CDC14A: variants seen among roughly 807,000 people sequenced by gnomAD.
CDC14A encodes cell division cycle 14A, also known as dual specificity protein phosphatase CDC14A.
In CDC14A, 53 loss-of-function variants were observed where a neutral mutation model predicts 74.4. That is an observed-to-expected ratio of 0.71 (90% CI 0.57 to 0.89). CDC14A has a LOEUF of 0.89. CDC14A is among the 40% of genes least tolerant of loss of function. The probability of loss-of-function intolerance (pLI) is 0.00; values close to 1 mark genes in which losing one functional copy is unlikely to be tolerated. For missense variants in CDC14A, 646 were observed against 713.7 expected (o/e 0.91, Z 1.08); for synonymous variants, 247 against 258.4 (o/e 0.96, Z 0.43).
At chr1:100,415,879 A>T (rs1396390768) in intron 4 of CDC14A, among the ~76,000 whole-genome samples, 3 of 152,206 alleles carry the variant, frequency 2.0e-5, no homozygotes, top group Admixed American at 6.5e-5. Context: ...TCCTATTTTT[A>T]AAAAATTATA....
At chr1:100,377,373 C>T (rs2100948018) in intron 2 of CDC14A, among the ~76,000 whole-genome samples, 173 bp from the exon 3 acceptor site, 1 of 152,184 alleles carries the variant, frequency 6.6e-6, no homozygotes, top group African/African-American at 2.4e-5. Context: ...GTTAGAGTAA[C>T]TAGAGGGCAT....
rs1380718071 is a variant in CDC14A, at chr1:100,519,525, T to C, written c.*1245T>C. On this transcript the variant is annotated 3_prime_UTR_variant, in exon 16 of 16. Transcript: ENST00000336454. ...TTCGACACTGAAAGTGCTAGTTAAA[T>C]GGATTCATATGAAGTGCTTTACTCC... The C allele has an allele frequency of 6.6e-6, 1 of 152,322 alleles. No homozygotes were observed. The highest frequency in any genetic ancestry group is 1.5e-5 in the Non-Finnish European group (1 of 67,996). 9.4% of individuals were successfully genotyped at this position (152,322 alleles called of 1,614,324 possible).
At chr1:100,353,687 T>C (rs1042883741) in intron 1 of CDC14A, 75 bp from the exon 2 acceptor site, 1 of 747,348 alleles carries the variant, frequency 1.3e-6, no homozygotes, top group African/African-American at 1.8e-5. Context: ...TGATCCTTCG[T>C]ATGTTACCAC....
chr1:100,409,905 C>T (rs1557728374), intron 4 of CDC14A, among the ~76,000 whole-genome samples: 1 of 152,168 alleles, frequency 6.6e-6, no homozygotes. Flanking sequence ...ATATTCCCTT[C>T]AAAAATGTCT....
At chr1:100,382,680 A>G (rs139782120) in intron 3 of CDC14A, among the ~76,000 whole-genome samples, 1 of 152,320 alleles carries the variant, frequency 6.6e-6, no homozygotes, top group East Asian at 1.9e-4. Flanking sequence ...GTTATGAATC[A>G]ACAGGATAAT....
chr1:100,375,612 T>G (rs1048810238), intron 2 of CDC14A, among the ~76,000 whole-genome samples: 3 of 152,190 alleles, frequency 2.0e-5, no homozygotes, highest in Non-Finnish European at 4.4e-5. Flanking sequence ...CATTTCACAC[T>G]AGTTAGAATG....
intron 7 of CDC14A, among the ~76,000 whole-genome samples, chr1:100,443,927 G>T: frequency 6.6e-6 from 1 of 152,314 alleles, no homozygotes; most frequent in East Asian, 1.9e-4. Flanking sequence ...GAACTCATCC[G>T]TTGGGTTTCC....
chr1:100,349,695 T>C (rs1650744898), upstream of CDC14A, among the ~76,000 whole-genome samples: 1 of 152,180 alleles, frequency 6.6e-6, no homozygotes, highest in African/African-American at 2.4e-5. Flanking sequence ...CCAGAGACAC[T>C]GCACTGCTGG....
rs571214442 is a variant in CDC14A, at chr1:100,499,413, A to C, written c.1755+151A>C. ...TTCCCTCTGTGCTGTGAAACTGTCT[A>C]TGCACTACATTCTGCTAGCTCCTCT... On this transcript the variant is annotated intron_variant, in intron 15 of 15. Coordinates refer to ENST00000336454, the MANE Select transcript of CDC14A (RefSeq NM_003672.4). 9.9e-5 allele frequency: 154 copies of C among 1,548,216 alleles called. 1 individual carries two copies. In the South Asian group the frequency reaches 1.8e-3, roughly 18 times the overall value.
At chr1:100,383,095 A>G (rs1387316093) in intron 3 of CDC14A, among the ~76,000 whole-genome samples, 4 of 152,158 alleles carry the variant, frequency 2.6e-5, no homozygotes, top group Non-Finnish European at 4.4e-5. Context: ...GAGATAGTTC[A>G]TGTAGTTTAA....
intron 5 of CDC14A, among the ~76,000 whole-genome samples, chr1:100,426,554 C>T (rs1173042483): frequency 6.6e-6 from 1 of 152,104 alleles, no homozygotes; most frequent in Non-Finnish European, 1.5e-5. Context: ...CACTCAAATA[C>T]TTTTATGTAA....
intron 2 of CDC14A, among the ~76,000 whole-genome samples, 157 bp from the exon 3 acceptor site, chr1:100,377,389 C>T (rs568265736): frequency 1.3e-4 from 20 of 152,018 alleles, no homozygotes; most frequent in East Asian, 3.9e-4. Context: ...GGCATTAGGA[C>T]GAAACCATTA....
chr1:100,426,506 T>TA (rs1662978994), intron 5 of CDC14A, among the ~76,000 whole-genome samples: 1 of 152,212 alleles, frequency 6.6e-6, no homozygotes, highest in African/African-American at 2.4e-5. Flanking sequence ...CAATTCTACA[T>TA]AAATACTAAA....
intron 15 of CDC14A, among the ~76,000 whole-genome samples, chr1:100,505,464 G>T (rs1164518456): frequency 6.6e-6 from 1 of 152,208 alleles, no homozygotes; most frequent in Non-Finnish European, 1.5e-5. Context: ...CCTGGAATGA[G>T]ATCAAAATAT....
rs1189203593 is a variant in CDC14A at position 100,442,951 on chromosome 1, TTTTGAC to T, written c.480_485del (p.Asp160_Phe161del). On this transcript the variant is annotated inframe_deletion, in exon 7 of 16. Transcript: ENST00000336454. ...GCTTTTAGGGATTACAACATGGATT[TTTTGAC>T]TTTGAGACATTTGATGTGGATGAAT... The T allele has an allele frequency of 6.2e-7, 1 of 1,604,350 alleles. No individual in the cohort carries two copies.
At chr1:100,410,277 G>A (rs866547956) in intron 4 of CDC14A, among the ~76,000 whole-genome samples, 41 of 151,706 alleles carry the variant, frequency 2.7e-4, no homozygotes, top group Admixed American at 2.2e-3. Context: ...TCTTTGAAAT[G>A]TAATGAAAAT....
intron 2 of CDC14A, among the ~76,000 whole-genome samples, chr1:100,356,102 G>A (rs1016190107): frequency 1.1e-4 from 16 of 152,184 alleles, no homozygotes; most frequent in Non-Finnish European, 1.9e-4. Flanking sequence ...TTTGCCTGGT[G>A]TGTATTCAGG....
chr1:100,501,101 G>A (rs141541373), intron 15 of CDC14A, among the ~76,000 whole-genome samples: 2 of 152,140 alleles, frequency 1.3e-5, no homozygotes, highest in Non-Finnish European at 2.9e-5. Context: ...CTGATCCCAT[G>A]ATCCCACTAT....
intron 4 of CDC14A, chr1:100,393,498 A>G (rs1251461655): frequency 1.3e-6 from 1 of 767,508 alleles, no homozygotes; most frequent in Admixed American, 1.7e-5. Context: ...CAGTCTCTCA[A>G]ATTCATTTCT....
Sources: gnomAD v4.1 joint callset for allele counts (sites outside exome capture counted in the v4.1 genomes callset) on GRCh38, gnomAD v4.1.1 for gene constraint, MANE v1.5 for transcripts, NCBI Gene and HGNC (gene_info 2026-07-23, HGNC 2026-07-21) for gene names.